Variants in AP2B1 observed in about 807,000 individuals in gnomAD.
AP2B1 encodes the protein adaptor related protein complex 2 subunit beta 1, also known as AP-2 complex subunit beta.
AP2B1 carries 23 observed loss-of-function variants against 102.0 expected under a neutral mutation model. That is an observed-to-expected ratio of 0.23 (90% CI 0.16 to 0.32). The LOEUF (loss-of-function observed/expected upper bound fraction) is 0.32, where lower values mean the gene tolerates loss of function less well. AP2B1 is among the 10% of genes least tolerant of loss of function. The pLI is 1.00. For missense variants in AP2B1, 541 were observed against 1,157.4 expected (o/e 0.47, Z 7.73); for synonymous variants, 381 against 421.2 (o/e 0.90, Z 1.17).
rs757468439 is a variant in AP2B1 at position 35,627,497 on chromosome 17, A to G, written c.1051A>G (p.Ile351Val). Residue 351 changes from isoleucine (I) to valine (V), a missense_variant, in exon 8 of 22, where the codon ATT becomes GTT. This residue lies in a region of AP2B1 where 134 missense variants were observed against 250.2 expected (regional missense o/e 0.54). Transcript: ENST00000610402. ...GATTCGTTTGGCATCTCAAGCCAAC[A>G]TTGCTCAGGTCAGACTTTATGCAGA... ...IMIRLASQAN[I>V]AQVLAELKEY... 1.2e-6 allele frequency: 2 copies of G among 1,614,090 alleles called. No individual in the cohort carries two copies. Among genetic ancestry groups the G allele is most frequent in the Non-Finnish European group, 1.7e-6 (2 of 1,180,014 alleles).
intron 19 of AP2B1, 69 bp from the exon 20 acceptor site, chr17:35,710,165 C>A: frequency 1.8e-6 from 2 of 1,111,024 alleles, no homozygotes; most frequent in Admixed American, 1.8e-5. Context: ...AAAAATGATG[C>A]AAGGCATCGA....
chr17:35,593,916 T>C, intron 1 of AP2B1, 92 bp from the exon 2 acceptor site: 1 of 587,814 alleles, frequency 1.7e-6, no homozygotes, highest in Admixed American at 4.0e-5. Flanking sequence ...AATATAAGTG[T>C]TCCTAAAATT....
chr17:35,629,287 T>C (rs2074399735), intron 9 of AP2B1, among the ~76,000 whole-genome samples: 1 of 152,122 alleles, frequency 6.6e-6, no homozygotes. Context: ...CTTGCATGTG[T>C]GTCTTTATCA....
chr17:35,637,713 T>C (rs1377524212), intron 10 of AP2B1, among the ~76,000 whole-genome samples: 1 of 149,274 alleles, frequency 6.7e-6, no homozygotes, highest in Non-Finnish European at 1.5e-5. Context: ...TTTGAGACAG[T>C]CTCACTCTGT....
chr17:35,601,900 C>T (rs911969277), intron 3 of AP2B1, among the ~76,000 whole-genome samples: 4 of 151,640 alleles, frequency 2.6e-5, no homozygotes, highest in African/African-American at 9.7e-5. Flanking sequence ...GCCTCTGTCT[C>T]CCGAGTAGCT....
At chr17:35,669,267 C>G (rs2075536935) in intron 14 of AP2B1, among the ~76,000 whole-genome samples, 1 of 151,990 alleles carries the variant, frequency 6.6e-6, no homozygotes, top group Non-Finnish European at 1.5e-5. Context: ...CCTCAGTCTC[C>G]CGAGTAGCTG....
At chr17:35,648,743 AGTGTGT>A (rs10668040) in intron 12 of AP2B1, among the ~76,000 whole-genome samples, 10,228 of 148,650 alleles carry the variant, frequency 0.069, 559 homozygotes, top group East Asian at 0.15. Context: ...ATATGAAATA[AGTGTGT>A]GTGTGTGTGT....
intron 10 of AP2B1, among the ~76,000 whole-genome samples, chr17:35,638,817 CTT>C (rs1171211679): frequency 6.7e-6 from 1 of 149,108 alleles, no homozygotes; most frequent in Non-Finnish European, 1.5e-5. Flanking sequence ...AGAAAGCTCT[CTT>C]TTATAAAAAG....
intron 5 of AP2B1, among the ~76,000 whole-genome samples, chr17:35,612,890 A>G (rs200752991): frequency 2.4e-3 from 94 of 38,548 alleles, no homozygotes; most frequent in Non-Finnish European, 4.0e-3. Flanking sequence ...GCACACACAC[A>G]CACACACACA....
intron 12 of AP2B1, among the ~76,000 whole-genome samples, chr17:35,643,297 A>G (rs939742201): frequency 6.6e-6 from 1 of 152,214 alleles, no homozygotes; most frequent in Non-Finnish European, 1.5e-5. Context: ...ATAGAATGAC[A>G]TTATTAGAGC....
At chr17:35,670,662 C>G (rs1347686555) in intron 14 of AP2B1, among the ~76,000 whole-genome samples, 195 bp from the exon 15 acceptor site, 1 of 152,174 alleles carries the variant, frequency 6.6e-6, no homozygotes, top group African/African-American at 2.4e-5. Context: ...AACTGATACA[C>G]CATCACTACC....
At chr17:35,635,688 TTTTG>T (rs891184135) in intron 9 of AP2B1, among the ~76,000 whole-genome samples, 3 of 151,964 alleles carry the variant, frequency 2.0e-5, no homozygotes, top group Admixed American at 6.6e-5. Flanking sequence ...GTGCCTGGCC[TTTTG>T]TTTGTTTGTG....
chr17:35,688,157 G>T (rs2075973334), intron 18 of AP2B1, among the ~76,000 whole-genome samples: 1 of 152,074 alleles, frequency 6.6e-6, no homozygotes, highest in Non-Finnish European at 1.5e-5. Flanking sequence ...TCCTACTCAG[G>T]ATCTCCTGTT....
At chr17:35,603,037 A>G (rs1461191670) in intron 3 of AP2B1, among the ~76,000 whole-genome samples, 6 of 152,222 alleles carry the variant, frequency 3.9e-5, no homozygotes, top group African/African-American at 1.4e-4. Context: ...TACAAGTGAA[A>G]CACATAGTTT....
At chr17:35,673,847 C>T (rs1411991828) in intron 16 of AP2B1, among the ~76,000 whole-genome samples, 1 of 152,110 alleles carries the variant, frequency 6.6e-6, no homozygotes, top group African/African-American at 2.4e-5. Context: ...TTTTCTTTTC[C>T]TCTTGGTAGC....
intron 16 of AP2B1, among the ~76,000 whole-genome samples, chr17:35,673,064 T>C (rs1440186213): frequency 2.0e-5 from 3 of 152,204 alleles, no homozygotes; most frequent in Non-Finnish European, 4.4e-5. Flanking sequence ...CACTCCTCTG[T>C]TGATGAACAT....
At chr17:35,596,627 C>T (rs958435863) in intron 2 of AP2B1, among the ~76,000 whole-genome samples, 3 of 151,638 alleles carry the variant, frequency 2.0e-5, no homozygotes, top group African/African-American at 7.3e-5. Flanking sequence ...ACTCGGGTGG[C>T]GGCCAGCCTG....
intron 13 of AP2B1, among the ~76,000 whole-genome samples, chr17:35,656,093 G>A (rs2075211953): frequency 6.6e-6 from 1 of 152,164 alleles, no homozygotes; most frequent in South Asian, 2.1e-4. Flanking sequence ...TGGAAGACAT[G>A]TTCTTAATTT....
intron 5 of AP2B1, chr17:35,621,370 C>A: frequency 1.0e-6 from 1 of 982,716 alleles, no homozygotes; most frequent in African/African-American, 1.7e-5. Context: ...CCTGGTGAGC[C>A]TGCCTCAGTA....
Sources: allele counts gnomAD v4.1 joint callset (sites outside exome capture counted in the v4.1 genomes callset), GRCh38; gene constraint gnomAD v4.1.1; regional missense constraint gnomAD v4.1.1; transcripts MANE v1.5; gene names NCBI Gene and HGNC (gene_info 2026-07-23, HGNC 2026-07-21).